The following AAK1 variants were observed in gnomAD, a reference collection of about 807,000 sequenced individuals.
AAK1 encodes AP2 associated kinase 1.
A neutral mutation model predicts 116.0 loss-of-function variants in AAK1; 37 were observed. That is an observed-to-expected ratio of 0.32 (90% CI 0.25 to 0.42). The LOEUF is 0.42. Ranked by LOEUF, AAK1 falls within the 10% of genes least tolerant of loss-of-function variation. AAK1 has a pLI of 1.00. For synonymous variants in AAK1, 458 were observed against 439.9 expected, an observed-to-expected ratio of 1.04 and a Z score of -0.51; for missense variants, 919 against 1,170.6, an observed-to-expected ratio of 0.79 and a Z score of 3.14.
chr2:69,565,484 A>G (rs574128700), intron 2 of AAK1, among the ~76,000 whole-genome samples: 18 of 152,342 alleles, frequency 1.2e-4, no homozygotes, highest in Admixed American at 2.0e-4. Context: ...AACACAGTGA[A>G]AAGCCTAAGC....
chr2:69,550,776 C>T (rs998066826), intron 3 of AAK1, among the ~76,000 whole-genome samples: 53 of 152,128 alleles, frequency 3.5e-4, no homozygotes, highest in African/African-American at 1.3e-3. Context: ...CAATCACGCC[C>T]GGCTAATTTT....
chr2:69,629,409 G>T (rs1405881042), intron 2 of AAK1, among the ~76,000 whole-genome samples: 1 of 152,156 alleles, frequency 6.6e-6, no homozygotes, highest in Non-Finnish European at 1.5e-5. Flanking sequence ...ATATAGCTAA[G>T]ATACACCCTA....
chr2:69,466,260 G>C lies in AAK1; in HGVS notation c.*9609C>G. The C allele has an allele frequency of 7.8e-7, 1 of 1,288,142 alleles. No homozygotes were observed. Among genetic ancestry groups the C allele is most frequent in the East Asian group, 5.6e-5 (1 of 17,966 alleles). The allele number at this position is 1,288,142 out of a possible 1,614,324, so 79.8% of individuals were successfully genotyped here. ...TGGAACGGCTCCTCCCAGCTTCCCC[G>C]GGGGGGGTCTGCAGCTCTCATCTTC... On this transcript the variant is annotated 3_prime_UTR_variant, in exon 22 of 22. Coordinates refer to ENST00000409085, the MANE Select transcript of AAK1 (RefSeq NM_014911.5).
chr2:69,557,422 C>T (rs1198298044), intron 2 of AAK1, among the ~76,000 whole-genome samples: 1 of 151,882 alleles, frequency 6.6e-6, no homozygotes, highest in Non-Finnish European at 1.5e-5. Flanking sequence ...CCACCTCAGC[C>T]TCCCGAGTAG....
Position 69,507,595 on chromosome 2 carries a change from C to A in AAK1, c.2007-17G>T. 1.3e-6 allele frequency: 2 copies of A among 1,562,258 alleles called. No homozygotes were observed. Among genetic ancestry groups the A allele is most frequent in the Non-Finnish European group, 1.7e-6 (2 of 1,154,042 alleles). ...GTTGCAGACCTAGGTAGGTTCCCAC[C>A]CCCACGAAACAAAAAGATATAAAAG... On this transcript the variant is annotated splice_polypyrimidine_tract_variant and intron_variant, in intron 14 of 21. Transcript: ENST00000409085.
intron 5 of AAK1, among the ~76,000 whole-genome samples, chr2:69,534,054 T>TAA (rs1252704264): frequency 6.6e-6 from 1 of 152,186 alleles, no homozygotes; most frequent in Non-Finnish European, 1.5e-5. Context: ...CAATCTAATT[T>TAA]AGAGGTTATA....
At position 69,514,522 on chromosome 2, in the gene AAK1, G is replaced by T. The variant is rs1676508147; in HGVS notation, c.1725C>A (p.Pro575=). 1.9e-6 allele frequency: 3 copies of T among 1,551,412 alleles called. No homozygotes were observed. Among genetic ancestry groups the T allele is most frequent in the Non-Finnish European group, 8.7e-7 (1 of 1,146,988 alleles). ...QKPTMAAGQQ[P]QPQPAAAPQP... ...GTGGGGCTGCAGCTGGCTGTGGCTG[G>T]GGCTGCTGTCCTGCTGCCATAGTGG... Residue 575 remains proline (P), a synonymous_variant, in exon 13 of 22, where the codon CCC becomes CCA. Coordinates refer to ENST00000409085, the MANE Select transcript of AAK1 (RefSeq NM_014911.5).
chr2:69,476,842 A>G, intron 21 of AAK1, 38 bp downstream of exon 21: 1 of 1,478,044 alleles, frequency 6.8e-7, no homozygotes, highest in Non-Finnish European at 9.4e-7. Context: ...AAGAGAACTG[A>G]GGCCAAGCTC....
chr2:69,521,430 G>A (rs550218458), intron 10 of AAK1, among the ~76,000 whole-genome samples: 3 of 152,314 alleles, frequency 2.0e-5, no homozygotes, highest in Non-Finnish European at 4.4e-5. Context: ...AAACTTGGCT[G>A]CAACTAGCTG....
At position 69,626,466 on chromosome 2, in the gene AAK1, C is replaced by T. The variant is rs185957980; in HGVS notation, c.163+16412G>A. The stretch of plus-strand genomic sequence containing the variant: ...GAGTTAACACTCTGAAGTGTCCATT[C>T]CTTCCATTTTAAAATTAAATTAATT... On this transcript the variant is annotated intron_variant, in intron 2 of 21. Coordinates refer to ENST00000409085, the MANE Select transcript of AAK1 (RefSeq NM_014911.5). Among the ~76,000 whole-genome samples, 538 of 151,124 alleles carry T rather than the reference C, an allele frequency of 3.6e-3. 1 individual carries two copies. Among genetic ancestry groups the T allele is most frequent in the South Asian group, 6.9e-3 (33 of 4,798 alleles).
At chr2:69,501,036 A>C (rs1414996259) in intron 16 of AAK1, among the ~76,000 whole-genome samples, 1 of 151,548 alleles carries the variant, frequency 6.6e-6, no homozygotes, top group African/African-American at 2.4e-5. Context: ...AGCAAAGAAG[A>C]CTCTCAGGGC....
chr2:69,490,826 C>T (rs1311067496), intron 17 of AAK1, among the ~76,000 whole-genome samples: 1 of 152,048 alleles, frequency 6.6e-6, no homozygotes, highest in African/African-American at 2.4e-5. Flanking sequence ...TCATTATGTA[C>T]ATTTTACTAC....
At position 69,473,750 on chromosome 2, in the gene AAK1, A is replaced by G. The variant is rs1334841288; in HGVS notation, c.*2119T>C. On this transcript the variant is annotated 3_prime_UTR_variant, in exon 22 of 22. Coordinates refer to ENST00000409085, the MANE Select transcript of AAK1 (RefSeq NM_014911.5). ...CATGTATATACGAAAAAAATCAAAT[A>G]TGAAAACATAGAACTCAAACATTAT... The G allele has an allele frequency of 5.1e-6, 5 of 976,192 alleles. No homozygotes were observed. The highest frequency in any genetic ancestry group is 6.1e-6 in the Non-Finnish European group (5 of 821,088). 60.5% of individuals were successfully genotyped at this position (976,192 alleles called of 1,614,324 possible).
intron 17 of AAK1, among the ~76,000 whole-genome samples, chr2:69,490,518 T>G (rs945248271): frequency 2.6e-5 from 4 of 152,112 alleles, no homozygotes; most frequent in African/African-American, 9.7e-5. Flanking sequence ...ACAACATGAA[T>G]GAACCTTAAG....
intron 7 of AAK1, 101 bp downstream of exon 7, chr2:69,530,524 G>A: frequency 3.1e-6 from 3 of 965,136 alleles, no homozygotes; most frequent in African/African-American, 1.6e-5. Context: ...CCATGATATG[G>A]TACAGTAGCC....
chr2:69,552,550 A>G (rs565511892), intron 3 of AAK1, among the ~76,000 whole-genome samples: 75 of 152,196 alleles, frequency 4.9e-4, no homozygotes, highest in African/African-American at 1.7e-3. Flanking sequence ...CATCTCTACT[A>G]AAAATACAAA....
At chr2:69,521,986 A>G (rs1669805005) in intron 10 of AAK1, among the ~76,000 whole-genome samples, 1 of 152,230 alleles carries the variant, frequency 6.6e-6, no homozygotes, top group South Asian at 2.1e-4. Flanking sequence ...ATAAACATCT[A>G]TCTTCTATAC....
intron 2 of AAK1, among the ~76,000 whole-genome samples, chr2:69,612,569 GA>G (rs1213195139): frequency 6.6e-6 from 1 of 152,174 alleles, no homozygotes; most frequent in African/African-American, 2.4e-5. Context: ...ATTATCTAGG[GA>G]AGAATGTTTT....
At chr2:69,520,697 C>T in intron 11 of AAK1, 137 bp downstream of exon 11, 1 of 1,050,036 alleles carries the variant, frequency 9.5e-7, no homozygotes, top group East Asian at 2.8e-5. Flanking sequence ...GCAGCTTCCT[C>T]CTGTTCCTCA....
Sources: gnomAD v4.1 joint callset for allele counts (sites outside exome capture counted in the v4.1 genomes callset) on GRCh38, gnomAD v4.1.1 for gene constraint, MANE v1.5 for transcripts, NCBI Gene and HGNC (gene_info 2026-07-23, HGNC 2026-07-21) for gene names.